The following KAT2B variants were observed in gnomAD, a reference collection of about 807,000 sequenced individuals.
KAT2B encodes histone acetyltransferase KAT2B.
KAT2B carries 36 observed loss-of-function variants against 105.9 expected under a neutral mutation model. That is an observed-to-expected ratio of 0.34 (90% CI 0.26 to 0.45). The LOEUF (loss-of-function observed/expected upper bound fraction) is 0.45. Ranked by LOEUF, KAT2B falls within the 20% of genes least tolerant of loss-of-function variation. KAT2B has a pLI of 1.00. For missense variants in KAT2B, 820 were observed against 1,021.6 expected (o/e 0.80, Z 2.69); for synonymous variants, 397 against 377.9 (o/e 1.05, Z -0.59).
intron 13 of KAT2B, 141 bp downstream of exon 13, chr3:20,140,505 C>T: frequency 3.7e-6 from 3 of 800,890 alleles, no homozygotes; most frequent in Admixed American, 5.6e-5. Flanking sequence ...TTTCTTCTCT[C>T]TCTCTTTTTT....
At position 20,152,647 on chromosome 3, in the gene KAT2B, A is replaced by C. The variant is rs1237923175; in HGVS notation, c.*122A>C. 2 of 710,736 alleles carry C rather than the reference A, an allele frequency of 2.8e-6. No homozygotes were observed. Among genetic ancestry groups the C allele is most frequent in the African/African-American group, 3.6e-5 (2 of 56,206 alleles). The allele number at this position is 710,736 out of a possible 1,614,324, so 44.0% of individuals were successfully genotyped here. ...GAGACTTGTAAATGTAATAATTAGC[A>C]CTTTTGAAAAAACAAAAAACCTCCT... On this transcript the variant is annotated 3_prime_UTR_variant, in exon 18 of 18. Coordinates refer to ENST00000263754, the MANE Select transcript of KAT2B (RefSeq NM_003884.5).
At chr3:20,143,269 TA>T (rs1699725118) in intron 13 of KAT2B, among the ~76,000 whole-genome samples, 1 of 152,136 alleles carries the variant, frequency 6.6e-6, no homozygotes, top group Non-Finnish European at 1.5e-5. Context: ...GAGGTGAAGT[TA>T]ATACACTAGA....
intron 2 of KAT2B, among the ~76,000 whole-genome samples, chr3:20,086,837 A>AGTGGCGCAGTCTCGGCTGGAGTGCG (rs1442848003): frequency 6.7e-6 from 1 of 149,936 alleles, no homozygotes; most frequent in Non-Finnish European, 1.5e-5. Context: ...GCTGGAGTGC[A>AGTGGCGCAGTCTCGGCTGGAGTGCG]GTGGTGCAAT....
intron 12 of KAT2B, chr3:20,137,502 T>C (rs1411954256): frequency 6.4e-6 from 1 of 155,248 alleles, no homozygotes; most frequent in East Asian, 1.9e-4. Context: ...AGCTTGGCTG[T>C]CATCTTTGCA....
chr3:20,145,677 A>G (rs1005905409), intron 13 of KAT2B, among the ~76,000 whole-genome samples: 9 of 150,608 alleles, frequency 6.0e-5, no homozygotes, highest in Non-Finnish European at 1.0e-4. Context: ...TTTCTCAGTC[A>G]GTGTGATGGC....
intron 13 of KAT2B, among the ~76,000 whole-genome samples, chr3:20,144,793 TC>T (rs1305871515): frequency 2.0e-5 from 3 of 151,008 alleles, no homozygotes; most frequent in African/African-American, 7.3e-5. Flanking sequence ...TTCATTTCTT[TC>T]TTTTTCTTTT....
intron 1 of KAT2B, among the ~76,000 whole-genome samples, chr3:20,045,055 C>G (rs997875319): frequency 6.6e-6 from 1 of 152,110 alleles, no homozygotes; most frequent in African/African-American, 2.4e-5. Flanking sequence ...CGCTCTGTCA[C>G]CCTGGCAGGA....
At chr3:20,131,418 A>G (rs1699509622) in intron 11 of KAT2B, among the ~76,000 whole-genome samples, 1 of 152,178 alleles carries the variant, frequency 6.6e-6, no homozygotes. Context: ...CGTATAGTCT[A>G]AGATAAAGAT....
At chr3:20,098,037 C>G (rs1698841597) in intron 3 of KAT2B, among the ~76,000 whole-genome samples, 1 of 151,904 alleles carries the variant, frequency 6.6e-6, no homozygotes. Context: ...CAAGACCAGC[C>G]TGGCAAACAT....
chr3:20,049,494 T>C (rs1237156324), intron 1 of KAT2B, among the ~76,000 whole-genome samples: 1 of 152,192 alleles, frequency 6.6e-6, no homozygotes, highest in Admixed American at 6.5e-5. Context: ...CATGAAAGCG[T>C]CTGCCCAAGT....
At chr3:20,148,616 C>A in intron 17 of KAT2B, 129 bp downstream of exon 17, 1 of 679,776 alleles carries the variant, frequency 1.5e-6, no homozygotes, top group Non-Finnish European at 2.5e-6. Flanking sequence ...TGGTGGGATT[C>A]CATGCACCGT....
intron 1 of KAT2B, among the ~76,000 whole-genome samples, chr3:20,062,300 TAAAATATAA>T (rs1172773707): frequency 2.3e-4 from 11 of 48,832 alleles, no homozygotes; most frequent in Non-Finnish European, 3.8e-4. Flanking sequence ...ATATAATATA[TAAAATATAA>T]TATATATAAA....
chr3:20,121,265 A>G (rs1384485862), intron 8 of KAT2B, among the ~76,000 whole-genome samples: 5 of 152,214 alleles, frequency 3.3e-5, no homozygotes, highest in Non-Finnish European at 7.3e-5. Context: ...CTCCTTTTCA[A>G]CTAGAGATAG....
At chr3:20,111,553 GGGT>G in intron 5 of KAT2B, 40 bp from the exon 6 acceptor site, 1 of 1,467,306 alleles carries the variant, frequency 6.8e-7, no homozygotes, top group South Asian at 1.2e-5. Context: ...GATGACCTGG[GGGT>G]TTATGGGATA....
At chr3:20,076,685 G>A (rs1471496014) in intron 2 of KAT2B, among the ~76,000 whole-genome samples, 1 of 152,142 alleles carries the variant, frequency 6.6e-6, no homozygotes, top group Non-Finnish European at 1.5e-5. Context: ...ATTTGCCAGA[G>A]TATTTTAGCA....
At chr3:20,103,855 C>T (rs1698952787) in intron 5 of KAT2B, among the ~76,000 whole-genome samples, 1 of 152,146 alleles carries the variant, frequency 6.6e-6, no homozygotes, top group East Asian at 1.9e-4. Flanking sequence ...GTCCATCTCT[C>T]CCTTTTTACA....
In KAT2B at chr3:20,040,717, G is replaced by C; in HGVS notation, c.240G>C (p.Ala80=). The change falls in exon 1 of 18, where the codon GCG becomes GCC. Residue 80 remains alanine (A), a synonymous_variant. Transcript: ENST00000263754. ...CGGCCCGAATCGCCGTGAAGAAAGC[G>C]CAACTACGCTCCGCTCCGCGGGCCA... ...GGSARIAVKK[A]QLRSAPRAKK... The C allele has an allele frequency of 6.3e-7, 1 of 1,593,180 alleles. No homozygotes were observed. Among genetic ancestry groups the C allele is most frequent in the South Asian group, 1.1e-5 (1 of 90,512 alleles).
At chr3:20,069,950 G>A (rs1250918424) in intron 1 of KAT2B, among the ~76,000 whole-genome samples, 1 of 152,190 alleles carries the variant, frequency 6.6e-6, no homozygotes, top group Admixed American at 6.5e-5. Flanking sequence ...TCAAGAACAT[G>A]GCCTCTGAGA....
Position 20,058,411 on chromosome 3 carries a change from C to T in KAT2B, c.304-13922C>T, listed in dbSNP as rs9817632. 2.0e-3 allele frequency among the ~76,000 whole-genome samples: 278 copies of T among 142,330 alleles called. 1 individual carries two copies. Among genetic ancestry groups the T allele is most frequent in the African/African-American group, 6.9e-3 (263 of 37,960 alleles). 93.4% of individuals were successfully genotyped at this position (142,330 alleles called of 152,430 possible). A position where few individuals can be genotyped will look rare whatever the true frequency, so the allele number is the denominator to read the frequency against. Reference sequence around the variant, plus strand: ...CGGACATTGCAGTGAGCCGAGATTGCGCCACTGCACCGTAGCCTGGGCAAC... The same window carrying T: ...CGGACATTGCAGTGAGCCGAGATTGTGCCACTGCACCGTAGCCTGGGCAAC... On this transcript the variant is annotated intron_variant, in intron 1 of 17. Coordinates refer to ENST00000263754, the MANE Select transcript of KAT2B (RefSeq NM_003884.5).
Sources: allele counts gnomAD v4.1 joint callset (sites outside exome capture counted in the v4.1 genomes callset), GRCh38; gene constraint gnomAD v4.1.1; transcripts MANE v1.5; gene names NCBI Gene and HGNC (gene_info 2026-07-23, HGNC 2026-07-21).